The following PTPRS variants were observed in gnomAD, a reference collection of about 807,000 sequenced individuals.
PTPRS encodes the protein protein tyrosine phosphatase receptor type S.
Under a neutral mutation model 215.3 loss-of-function variants are expected in PTPRS, and 63 were observed. That is an observed-to-expected ratio of 0.29 (90% CI 0.24 to 0.36). The LOEUF is 0.36. PTPRS is among the 10% of genes least tolerant of loss of function. The pLI is 1.00. For missense variants in PTPRS, 2,258 were observed against 2,825.8 expected (o/e 0.80, Z 4.56); for synonymous variants, 1,404 against 1,191.4 (o/e 1.18, Z -3.68).
chr19:5,214,279 C>A (rs994916015), intron 30 of PTPRS, 82 bp downstream of exon 30: 1 of 1,589,504 alleles, frequency 6.3e-7, no homozygotes, highest in African/African-American at 1.3e-5. Context: ...ATGGGGAGCT[C>A]CCTGGGTAGA....
At position 5,238,988 on chromosome 19, in the gene PTPRS, G is replaced by A; in HGVS notation, c.1780C>T (p.Leu594=). ...LKPNTEYAFR[L]AARSPQGLGA... The stretch of plus-strand genomic sequence containing the variant: ...AGGCCCTGCGGCGAGCGGGCCGCCA[G>A]GCGGAAGGCGTACTCCGTGTTGGGC... Residue 594 remains leucine, a synonymous_variant, in exon 13 of 38, where the codon CTG becomes TTG. Coordinates refer to ENST00000262963, the MANE Select transcript of PTPRS (RefSeq NM_002850.4). The A allele has an allele frequency of 6.2e-7, 1 of 1,613,354 alleles. No homozygotes were observed. The highest frequency in any genetic ancestry group is 8.5e-7 in the Non-Finnish European group (1 of 1,179,842).
chr19:5,322,746 G>A (rs2050060218), intron 1 of PTPRS, among the ~76,000 whole-genome samples: 1 of 151,964 alleles, frequency 6.6e-6, no homozygotes, highest in Non-Finnish European at 1.5e-5. Context: ...GGGCATGGTG[G>A]CGCACGCCTA....
At chr19:5,240,473 C>A in intron 11 of PTPRS, 141 bp from the exon 12 acceptor site, 1 of 817,822 alleles carries the variant, frequency 1.2e-6, no homozygotes, top group Non-Finnish European at 1.7e-6. Flanking sequence ...GGACCTCGCC[C>A]CCATCCCATT....
At chr19:5,283,126 C>A (rs879619531) in intron 2 of PTPRS, among the ~76,000 whole-genome samples, 17 of 152,368 alleles carry the variant, frequency 1.1e-4, no homozygotes, top group Admixed American at 4.6e-4. Context: ...AGACAAGAAT[C>A]CAGTGCCAGA....
rs1205329702 is a variant in PTPRS at position 5,210,147 on chromosome 19, C to A, written c.5487+322G>T. The stretch of plus-strand genomic sequence containing the variant: ...CCGTCTACCACCCCTCACCCTCAAT[C>A]CCTCAAGTCCCTTTCAGCCCTTTAA... On this transcript the variant is annotated intron_variant, in intron 35 of 37. Coordinates refer to ENST00000262963, the MANE Select transcript of PTPRS (RefSeq NM_002850.4). The surrounding 1 kb of genome is among the most constrained non-coding windows in gnomAD (Gnocchi z 4.5). 2.0e-5 allele frequency among the ~76,000 whole-genome samples: 3 copies of A among 152,318 alleles called. No homozygotes were observed. The highest frequency in any genetic ancestry group is 4.1e-4 in the South Asian group (2 of 4,824).
intron 11 of PTPRS, among the ~76,000 whole-genome samples, chr19:5,242,598 C>G (rs1015414966): frequency 1.3e-5 from 2 of 150,044 alleles, no homozygotes; most frequent in Admixed American, 1.3e-4. Context: ...AGGCTGTTCT[C>G]AAACTCCTGA....
chr19:5,222,818 C>T lies in PTPRS; in HGVS notation c.2974G>A (p.Glu992Lys). 1 of 1,596,224 alleles carries T rather than the reference C, an allele frequency of 6.3e-7. No individual in the cohort carries two copies. The highest frequency in any genetic ancestry group is 8.5e-7 in the Non-Finnish European group (1 of 1,177,564). The change falls in exon 18 of 38, where the codon GAG (glutamate) becomes AAG (lysine). Residue 992 changes from glutamate (E) to lysine (K), a missense_variant. Coordinates refer to ENST00000262963, the MANE Select transcript of PTPRS (RefSeq NM_002850.4). ...ELPAAAEPGA[E>K]NALTLQGLKP... ...AGGCCCTGCAGCGTGAGCGCGTTCT[C>T]CGCGCCCGGCTCAGCCGCTGCCGGC...
intron 27 of PTPRS, 25 bp from the exon 28 acceptor site, chr19:5,215,437 G>A: frequency 1.2e-6 from 2 of 1,612,148 alleles, no homozygotes; most frequent in South Asian, 1.1e-5. Flanking sequence ...GAGAGCGCGG[G>A]TGTCAGGGTA....
chr19:5,259,700 GT>G (rs2045838328), intron 7 of PTPRS, among the ~76,000 whole-genome samples: 2 of 152,186 alleles, frequency 1.3e-5, no homozygotes, highest in Admixed American at 6.5e-5. Context: ...ATCCCCAAAT[GT>G]GTTTGAATCA....
rs527721047 is a variant in PTPRS, at chr19:5,294,019, G to A, written c.-94-7785C>T. Among the ~76,000 whole-genome samples the A allele has an allele frequency of 6.6e-6, 1 of 152,318 alleles. No individual in the cohort carries two copies. Among genetic ancestry groups the A allele is most frequent in the African/African-American group, 2.4e-5 (1 of 41,568 alleles). ...GTGCGGGTTTGAAAACTCCACCGGAGGGGCCCGGAATGTAGAAGCCCAGCG... is the reference window on the plus strand; with the variant it reads ...GTGCGGGTTTGAAAACTCCACCGGAAGGGCCCGGAATGTAGAAGCCCAGCG... On this transcript the variant is annotated intron_variant, in intron 1 of 37. Transcript: ENST00000262963. This position sits in a 1 kb window ranked among gnomAD's most constrained non-coding sequence, Gnocchi z 5.1.
intron 1 of PTPRS, among the ~76,000 whole-genome samples, chr19:5,313,433 C>T (rs1408129704): frequency 6.6e-6 from 1 of 152,172 alleles, no homozygotes; most frequent in African/African-American, 2.4e-5. Flanking sequence ...TCAGCACACA[C>T]GCATAGGAAA....
At chr19:5,304,875 CAG>C (rs887102669) in intron 1 of PTPRS, among the ~76,000 whole-genome samples, 3 of 145,562 alleles carry the variant, frequency 2.1e-5, no homozygotes, top group African/African-American at 7.7e-5. Flanking sequence ...CTGAACAAAA[CAG>C]AAAAGGAGAG....
At position 5,293,577 on chromosome 19, in the gene PTPRS, C is replaced by T. The variant is rs527658740; in HGVS notation, c.-94-7343G>A. 6.6e-6 allele frequency among the ~76,000 whole-genome samples: 1 copy of T among 152,182 alleles called. No individual in the cohort carries two copies. The highest frequency in any genetic ancestry group is 1.5e-5 in the Non-Finnish European group (1 of 68,030). ...TCCCCAGCTCTGATCGTAGCCATGG[C>T]AACGCATGAGGAGGCTGGATGCCGG... On this transcript the variant is annotated intron_variant, in intron 1 of 37. Transcript: ENST00000262963. This position sits in a 1 kb window ranked among gnomAD's most constrained non-coding sequence, Gnocchi z 8.4.
chr19:5,223,273 A>T lies in PTPRS; in HGVS notation c.2519T>A (p.Val840Glu). ...GAVLGRPTLS[V>E]QQTPEGSLLA... ...CAGGCTGCCCTCGGGGGTCTGCTGC[A>T]CCGACAGGGTTGGGCGGCCCAGCAC... Residue 840 changes from valine (V) to glutamate (E), a missense_variant, in exon 18 of 38, where the codon GTG becomes GAG. Coordinates refer to ENST00000262963, the MANE Select transcript of PTPRS (RefSeq NM_002850.4). 6.8e-7 allele frequency: 1 copy of T among 1,469,302 alleles called. No homozygotes were observed. The highest frequency in any genetic ancestry group is 9.0e-7 in the Non-Finnish European group (1 of 1,115,780). The allele number at this position is 1,469,302 out of a possible 1,614,324, so 91.0% of individuals were successfully genotyped here.
chr19:5,211,510 C>G, intron 33 of PTPRS, 80 bp downstream of exon 33: 1 of 1,431,654 alleles, frequency 7.0e-7, no homozygotes. Context: ...CCAGCTCTGT[C>G]TCCCACAAGA....
rs747886572 is a variant in PTPRS, at chr19:5,273,464, A to G, written c.357T>C (p.His119=). Residue 119 remains histidine, a synonymous_variant, in exon 4 of 38, where the codon CAT becomes CAC. Transcript: ENST00000262963. ...AQNSVGEITV[H]AKLTVLREDQ... ...TACCTCGGAGGACAGTAAGCTTGGCATGGACTGTGATCTCCCCAACCGAGT... is the reference window on the plus strand; with the variant it reads ...TACCTCGGAGGACAGTAAGCTTGGCGTGGACTGTGATCTCCCCAACCGAGT... The G allele has an allele frequency of 9.3e-6, 15 of 1,614,076 alleles. No individual in the cohort carries two copies. In the East Asian group the frequency reaches 3.1e-4, roughly 34 times the overall value.
intron 2 of PTPRS, among the ~76,000 whole-genome samples, chr19:5,285,338 G>T: frequency 6.6e-6 from 1 of 152,186 alleles, no homozygotes; most frequent in Non-Finnish European, 1.5e-5. Flanking sequence ...TCATGGTGGG[G>T]TGAGTCTTGG....
In PTPRS at chr19:5,211,636, C is replaced by T. The variant is rs2040899516; in HGVS notation, c.5188G>A (p.Val1730Met). 6.2e-7 allele frequency: 1 copy of T among 1,613,858 alleles called. No individual in the cohort carries two copies. Among genetic ancestry groups the T allele is most frequent in the Non-Finnish European group, 8.5e-7 (1 of 1,179,802 alleles). The change falls in exon 33 of 38, where the codon GTG becomes ATG. Residue 1730 changes from valine to methionine, a missense_variant. By Grantham distance (21) the Val-to-Met change is conservative (BLOSUM62 1). This residue lies in a region of PTPRS where 927 missense variants were observed against 1,125.9 expected (regional missense o/e 0.82). Transcript: ENST00000262963. Reference sequence around the variant, plus strand: ...GCGTTGATGTAGTCAGAGCCCTCCACACCCCGGATGGGTTGCAGACAGACC... The same window carrying T: ...GCGTTGATGTAGTCAGAGCCCTCCATACCCCGGATGGGTTGCAGACAGACC... Reference protein sequence around the residue: ...TRVCLQPIRGVEGSDYINASF... With the variant: ...TRVCLQPIRGMEGSDYINASF...
chr19:5,263,231 G>A (rs896141832), intron 5 of PTPRS, among the ~76,000 whole-genome samples: 63 of 152,256 alleles, frequency 4.1e-4, no homozygotes, highest in African/African-American at 1.4e-3. Context: ...TGAGGCCACC[G>A]CTCCCCCTGC....
Sources: gnomAD v4.1 joint callset for allele counts (sites outside exome capture counted in the v4.1 genomes callset) on GRCh38, gnomAD v4.1.1 for gene constraint, gnomAD v4.1.1 regional missense constraint, Gnocchi (gnomAD v3.1) non-coding constraint, MANE v1.5 for transcripts, NCBI Gene and HGNC (gene_info 2026-07-23, HGNC 2026-07-21) for gene names.